The following MAPK10 variants were observed in gnomAD, a reference collection of about 807,000 sequenced individuals.
MAPK10 encodes the protein mitogen-activated protein kinase 10.
MAPK10 carries 25 observed loss-of-function variants against 59.3 expected under a neutral mutation model. That is an observed-to-expected ratio of 0.42 (90% CI 0.31 to 0.59). The LOEUF is 0.59. Ranked by LOEUF, MAPK10 falls within the 20% of genes least tolerant of loss-of-function variation. The probability of loss-of-function intolerance (pLI) is 0.15; values close to 1 mark genes in which losing one functional copy is unlikely to be tolerated. For synonymous variants in MAPK10, 190 were observed against 200.5 expected (o/e 0.95, Z 0.44); for missense variants, 351 against 568.9 (o/e 0.62, Z 3.90).
intron 4 of MAPK10, among the ~76,000 whole-genome samples, chr4:86,122,625 T>C (rs1239831082): frequency 6.6e-6 from 1 of 152,152 alleles, no homozygotes. Flanking sequence ...AGTGGAAAGT[T>C]TGCTCAACTT....
chr4:86,283,997 C>T (rs770285414), intron 2 of MAPK10, among the ~76,000 whole-genome samples: 12 of 152,026 alleles, frequency 7.9e-5, no homozygotes, highest in East Asian at 1.9e-4. Flanking sequence ...TATGAGAAGC[C>T]GCATAATAAA....
intron 2 of MAPK10, among the ~76,000 whole-genome samples, chr4:86,226,052 T>C (rs2090558829): frequency 6.6e-6 from 1 of 152,248 alleles, no homozygotes; most frequent in Admixed American, 6.5e-5. Context: ...GCATATAGGA[T>C]AATACAAATG....
chr4:86,414,022 C>T (rs929684361), intron 1 of MAPK10, among the ~76,000 whole-genome samples: 3 of 152,156 alleles, frequency 2.0e-5, no homozygotes, highest in South Asian at 2.1e-4. Context: ...AGCTGAAGAC[C>T]GGAGCTGTTC....
At chr4:86,449,629 G>A (rs1750460473) in intron 1 of MAPK10, among the ~76,000 whole-genome samples, 1 of 152,158 alleles carries the variant, frequency 6.6e-6, no homozygotes, top group South Asian at 2.1e-4. Flanking sequence ...CTTTTGCAAA[G>A]TCTCCTTCAA....
intron 1 of MAPK10, among the ~76,000 whole-genome samples, chr4:86,395,833 G>A (rs1742835425): frequency 6.6e-6 from 1 of 152,164 alleles, no homozygotes; most frequent in Admixed American, 6.5e-5. Flanking sequence ...TCCTCATCCT[G>A]TATGAGCACT....
Position 86,011,216 on chromosome 4 carries a change from A to G in MAPK10, c.*6012T>C, listed in dbSNP as rs1366725397. 6.6e-6 allele frequency: 1 copy of G among 152,256 alleles called. No individual in the cohort carries two copies. The highest frequency in any genetic ancestry group is 2.4e-5 in the African/African-American group (1 of 41,468). The allele number at this position is 152,256 out of a possible 1,614,324, so 9.4% of individuals were successfully genotyped here. A position where few individuals can be genotyped will look rare whatever the true frequency, so the allele number is the denominator to read the frequency against. ...TTGAACAGTTGAAATTTAGTCTGGA[A>G]CTGGGACAGATGACTTGCCACATAG... On this transcript the variant is annotated 3_prime_UTR_variant, in exon 14 of 14. Transcript: ENST00000641462.
intron 11 of MAPK10, among the ~76,000 whole-genome samples, chr4:86,062,674 A>G (rs2045962735): frequency 6.6e-6 from 1 of 152,174 alleles, no homozygotes; most frequent in African/African-American, 2.4e-5. Context: ...ACAATTTCAG[A>G]TAATACATAT....
intron 2 of MAPK10, among the ~76,000 whole-genome samples, chr4:86,255,489 G>T (rs1330470112): frequency 6.6e-6 from 1 of 152,156 alleles, no homozygotes; most frequent in South Asian, 2.1e-4. Context: ...CATATATGCT[G>T]TCCTGATAGT....
intron 3 of MAPK10, among the ~76,000 whole-genome samples, chr4:86,166,142 G>C (rs1400011899): frequency 6.6e-6 from 1 of 152,200 alleles, no homozygotes; most frequent in Non-Finnish European, 1.5e-5. Context: ...AACAGGCAAT[G>C]TGCTAGATGT....
At chr4:86,317,950 A>G (rs928383872) in intron 2 of MAPK10, among the ~76,000 whole-genome samples, 2 of 152,080 alleles carry the variant, frequency 1.3e-5, no homozygotes, top group Admixed American at 6.6e-5. Context: ...GTTGCCAGCA[A>G]TCCTTGGAGT....
At chr4:86,270,576 G>C (rs2094404023) in intron 2 of MAPK10, among the ~76,000 whole-genome samples, 1 of 151,942 alleles carries the variant, frequency 6.6e-6, no homozygotes, top group South Asian at 2.1e-4. Flanking sequence ...CAGGCCTTAA[G>C]TCATGATTTC....
At chr4:86,213,663 T>C (rs1301697819) in intron 2 of MAPK10, among the ~76,000 whole-genome samples, 7 of 152,018 alleles carry the variant, frequency 4.6e-5, no homozygotes, top group African/African-American at 1.7e-4. Flanking sequence ...ACAGACTCAA[T>C]TTAAAAAACA....
chr4:86,564,485 T>C (rs1703834881), intron 1 of MAPK10, among the ~76,000 whole-genome samples: 2 of 152,176 alleles, frequency 1.3e-5, no homozygotes, highest in South Asian at 4.1e-4. Context: ...TCTCTTAAGA[T>C]ATAGTATACA....
At chr4:86,066,884 A>G (rs1300721175) in intron 10 of MAPK10, among the ~76,000 whole-genome samples, 2 of 152,078 alleles carry the variant, frequency 1.3e-5, no homozygotes, top group African/African-American at 4.8e-5. Context: ...AATATGGGAA[A>G]ATGTTTCAAT....
chr4:86,567,621 A>ATGT (rs1761154545), intron 1 of MAPK10, among the ~76,000 whole-genome samples: 1 of 152,230 alleles, frequency 6.6e-6, no homozygotes, highest in Admixed American at 6.5e-5. Flanking sequence ...ACCACTATGT[A>ATGT]ATATATCTAT....
Position 86,016,841 on chromosome 4 carries a change from CACACAT to C in MAPK10, c.*381_*386del. ...AGCAGGTAGATGCAAGATAGAGACA[CACACAT>C]GCTGGATGGGGCCACTGCACACCTT... On this transcript the variant is annotated 3_prime_UTR_variant, in exon 14 of 14. Transcript: ENST00000641462. 9.8e-6 allele frequency: 2 copies of C among 203,216 alleles called. No homozygotes were observed. The highest frequency in any genetic ancestry group is 8.3e-5 in the South Asian group (1 of 12,092). The allele number at this position is 203,216 out of a possible 1,614,324, so 12.6% of individuals were successfully genotyped here. A position where few individuals can be genotyped will look rare whatever the true frequency, so the allele number is the denominator to read the frequency against.
At chr4:86,435,268 G>A (rs1055160218) in intron 1 of MAPK10, among the ~76,000 whole-genome samples, 6 of 152,170 alleles carry the variant, frequency 3.9e-5, no homozygotes, top group Non-Finnish European at 8.8e-5. Flanking sequence ...AGGCTGAGGC[G>A]GGCGGATTAC....
chr4:86,462,089 A>G (rs1751798959), intron 1 of MAPK10, among the ~76,000 whole-genome samples: 1 of 151,264 alleles, frequency 6.6e-6, no homozygotes, highest in Admixed American at 6.6e-5. Flanking sequence ...CCCCCGCCAC[A>G]GCGCCACAGC....
At chr4:86,113,970 A>G (rs2057929476) in intron 4 of MAPK10, among the ~76,000 whole-genome samples, 1 of 152,080 alleles carries the variant, frequency 6.6e-6, no homozygotes, top group African/African-American at 2.4e-5. Flanking sequence ...GATAGTCTTC[A>G]GGCTCTGAGA....
Sources: allele counts gnomAD v4.1 joint callset (sites outside exome capture counted in the v4.1 genomes callset), GRCh38; gene constraint gnomAD v4.1.1; transcripts MANE v1.5; gene names NCBI Gene and HGNC (gene_info 2026-07-23, HGNC 2026-07-21).